Variants in RUNX1T1 observed in about 807,000 individuals in gnomAD.
RUNX1T1 encodes protein CBFA2T1.
RUNX1T1 carries 4 observed loss-of-function variants against 62.8 expected under a neutral mutation model. The observed-to-expected ratio is 0.06, with a 90% CI of 0.03 to 0.15. The LOEUF is 0.15. RUNX1T1 is among the 10% of genes least tolerant of loss of function. RUNX1T1 has a pLI of 1.00. For missense variants in RUNX1T1, 508 were observed against 754.3 expected, an observed-to-expected ratio of 0.67 and a Z score of 3.82; for synonymous variants, 291 against 286.0, an observed-to-expected ratio of 1.02 and a Z score of -0.18.
chr8:92,058,334 G>T (rs1158517759), intron 1 of RUNX1T1, among the ~76,000 whole-genome samples: 3 of 151,962 alleles, frequency 2.0e-5, no homozygotes, highest in African/African-American at 4.8e-5. Flanking sequence ...CTATATATAG[G>T]TTCCCTAATT....
intron 1 of RUNX1T1, among the ~76,000 whole-genome samples, chr8:92,024,587 T>C (rs1824786966): frequency 6.6e-6 from 1 of 150,508 alleles, no homozygotes; most frequent in African/African-American, 2.4e-5. Flanking sequence ...CTCAATTGTC[T>C]CTTTATTCTT....
chr8:92,053,487 A>G (rs1243935099), intron 1 of RUNX1T1, among the ~76,000 whole-genome samples: 2 of 152,174 alleles, frequency 1.3e-5, no homozygotes, highest in African/African-American at 4.8e-5. Context: ...AATTTTAGTA[A>G]TTATGCCAGA....
chr8:92,078,541 AGT>A (rs1834770072), intron 1 of RUNX1T1, among the ~76,000 whole-genome samples: 1 of 152,188 alleles, frequency 6.6e-6, no homozygotes, highest in African/African-American at 2.4e-5. Context: ...AACAATTTGT[AGT>A]TCTACAAGTG....
At chr8:92,001,648 G>A (rs1819784510) in intron 5 of RUNX1T1, among the ~76,000 whole-genome samples, 1 of 152,024 alleles carries the variant, frequency 6.6e-6, no homozygotes, top group Non-Finnish European at 1.5e-5. Flanking sequence ...TACAAAATGG[G>A]AAACAAAACA....
chr8:92,033,272 T>C (rs1587166745), intron 1 of RUNX1T1, among the ~76,000 whole-genome samples: 1 of 152,214 alleles, frequency 6.6e-6, no homozygotes, highest in East Asian at 1.9e-4. Context: ...GTATATTTAC[T>C]TGGAAAGATC....
At chr8:91,994,601 T>C in intron 5 of RUNX1T1, 1 of 497,948 alleles carries the variant, frequency 2.0e-6, no homozygotes, top group East Asian at 4.6e-5. Context: ...TCACTTAACC[T>C]CTCTGGACCT....
rs184154948 is a variant in RUNX1T1, at chr8:92,029,434, G to A, written c.8-12071C>T. ...AGGGGAAAATTCAGGAGATATTTCA[G>A]AAGTATTGCTCAAGTTAACACAGCT... is the stretch of plus-strand genomic sequence containing the variant. On this transcript the variant is annotated intron_variant, in intron 1 of 10. Coordinates refer to ENST00000396218, the Ensembl canonical transcript of RUNX1T1. Among the ~76,000 whole-genome samples, 29 of 152,294 alleles carry A rather than the reference G, an allele frequency of 1.9e-4. No individual in the cohort carries two copies. The Middle Eastern group carries it at 0.01, about 54-fold the overall frequency.
chr8:92,009,141 T>C (rs756742837), intron 4 of RUNX1T1, among the ~76,000 whole-genome samples: 1 of 152,218 alleles, frequency 6.6e-6, no homozygotes, highest in Non-Finnish European at 1.5e-5. Flanking sequence ...AGCGATTCCA[T>C]AAACATCTTC....
rs985355747 is a variant in RUNX1T1, at chr8:92,062,729, G to A, written c.-177C>T. ...GTGCGCCTGCCAGGCAGAGACAGAT[G>A]GAGAGCTGACACTCCGGATTGCACT... On this transcript the variant is annotated 5_prime_UTR_variant, in exon 1 of 11. Transcript: ENST00000396218. The A allele has an allele frequency of 2.5e-6, 4 of 1,584,170 alleles. No individual in the cohort carries two copies. In the African/African-American group the frequency reaches 4.0e-5, roughly 16 times the overall value.
At chr8:92,090,008 C>T (rs1158181576) in intron 1 of RUNX1T1, among the ~76,000 whole-genome samples, 1 of 147,760 alleles carries the variant, frequency 6.8e-6, no homozygotes, top group Non-Finnish European at 1.5e-5. Context: ...TTCAGTATCA[C>T]ACAGAGACTT....
At chr8:92,095,005 A>G in intron 1 of RUNX1T1, 1 of 1,520,640 alleles carries the variant, frequency 6.6e-7, no homozygotes, top group African/African-American at 1.4e-5. Flanking sequence ...CCAATTAAAG[A>G]TAAGGCCCTC....
intron 10 of RUNX1T1, among the ~76,000 whole-genome samples, chr8:91,961,068 A>C (rs186133379): frequency 1.2e-4 from 18 of 152,292 alleles, no homozygotes; most frequent in Non-Finnish European, 2.1e-4. Flanking sequence ...TAACCTCTCT[A>C]TGTCTTTAGT....
At chr8:92,033,794 AC>A (rs1395191102) in intron 1 of RUNX1T1, among the ~76,000 whole-genome samples, 1 of 151,940 alleles carries the variant, frequency 6.6e-6, no homozygotes, top group Non-Finnish European at 1.5e-5. Flanking sequence ...ATATGGTGAA[AC>A]CCCGTCTCCA....
intron 1 of RUNX1T1, among the ~76,000 whole-genome samples, chr8:92,086,873 A>G (rs190550626): frequency 3.6e-4 from 55 of 152,282 alleles, no homozygotes; most frequent in African/African-American, 1.2e-3. Flanking sequence ...TCCTTCTGCA[A>G]TATCTAAAAC....
At chr8:92,023,858 C>T (rs980077701) in intron 1 of RUNX1T1, among the ~76,000 whole-genome samples, 14 of 152,278 alleles carry the variant, frequency 9.2e-5, no homozygotes, top group African/African-American at 2.9e-4. Flanking sequence ...CAGGCCCAGA[C>T]ATAGCACCTA....
chr8:91,972,617 C>T (rs1421988324), intron 9 of RUNX1T1, among the ~76,000 whole-genome samples: 1 of 151,980 alleles, frequency 6.6e-6, no homozygotes, highest in African/African-American at 2.4e-5. Flanking sequence ...TTTGAATATT[C>T]AAGGTGAATT....
At chr8:92,044,486 T>C (rs1829036878) in intron 1 of RUNX1T1, among the ~76,000 whole-genome samples, 1 of 152,180 alleles carries the variant, frequency 6.6e-6, no homozygotes, top group African/African-American at 2.4e-5. Flanking sequence ...AATCAGTCTA[T>C]CCAAGAGATG....
intron 1 of RUNX1T1, among the ~76,000 whole-genome samples, chr8:92,028,984 T>C (rs539528413): frequency 6.6e-6 from 1 of 152,216 alleles, no homozygotes; most frequent in African/African-American, 2.4e-5. Flanking sequence ...ATAAAGAAGG[T>C]TATAGAGAAG....
chr8:92,021,788 G>A lies in RUNX1T1; in HGVS notation c.8-4425C>T, dbSNP rs149697320. 5.1e-4 allele frequency among the ~76,000 whole-genome samples: 77 copies of A among 151,882 alleles called. 1 individual carries two copies. The East Asian group carries it at 0.014, about 27-fold the overall frequency. ...GCAGGTGTGAGCTTCATTCTCTTGT[G>A]TCTTCAACTCCATGATCCATTCCTG... On this transcript the variant is annotated intron_variant, in intron 1 of 10. Coordinates refer to ENST00000396218, the Ensembl canonical transcript of RUNX1T1.
Sources: gnomAD v4.1 joint callset for allele counts (sites outside exome capture counted in the v4.1 genomes callset) on GRCh38, gnomAD v4.1.1 for gene constraint, MANE v1.5 for transcripts, NCBI Gene and HGNC (gene_info 2026-07-23, HGNC 2026-07-21) for gene names.